Variants in TTC23L observed in about 807,000 individuals in gnomAD.
TTC23L encodes the protein tetratricopeptide repeat protein 23-like.
TTC23L carries 42 observed loss-of-function variants against 48.1 expected under a neutral mutation model. The ratio of observed to expected loss-of-function variants is 0.87; its 90% CI spans 0.68 to 1.13. The LOEUF (loss-of-function observed/expected upper bound fraction) is 1.13, where lower values mean the gene tolerates loss of function less well. Among genes scored for constraint, TTC23L ranks in the 50% most tolerant of loss-of-function variants. TTC23L has a pLI of 0.00. For missense variants in TTC23L, 391 were observed against 421.0 expected, an observed-to-expected ratio of 0.93 and a Z score of 0.62; for synonymous variants, 159 against 157.2, an observed-to-expected ratio of 1.01 and a Z score of -0.09.
exon 6 of TTC23L, chr5:34,864,559 G>A (rs1237869019): frequency 6.2e-7 from 1 of 1,612,348 alleles, no homozygotes; most frequent in Non-Finnish European, 8.5e-7. Context: ...CTTGCTTTGG[G>A]CAGGTAAGAT....
At chr5:34,913,099 G>A in the TTC23L span, among the ~76,000 whole-genome samples, 1 of 152,114 alleles carries the variant, frequency 6.6e-6, no homozygotes, top group South Asian at 2.1e-4. Flanking sequence ...AGTCAGAACT[G>A]GCTTTTGTTT....
At chr5:34,902,120 CTTGAT>C (rs1362482076), downstream of TTC23L, among the ~76,000 whole-genome samples, 6 of 152,090 alleles carry the variant, frequency 3.9e-5, no homozygotes, top group African/African-American at 1.4e-4. Flanking sequence ...AGTTGTCTAA[CTTGAT>C]TTAATACAGC....
At position 34,896,824 on chromosome 5, in the gene TTC23L, C is replaced by T. The variant is rs1357276416; in HGVS notation, c.*46C>T. On this transcript the variant is annotated 3_prime_UTR_variant, in exon 10 of 11. Coordinates refer to ENST00000505624, the Ensembl canonical transcript of TTC23L. ...GAGAAGCCATTCCTGGAAGAAGGAA[C>T]TCTACATACAAAGGCACAGAAGCAT... 6 of 746,594 alleles carry T rather than the reference C, an allele frequency of 8.0e-6. No homozygotes were observed. The South Asian group carries it at 8.6e-5, about 11-fold the overall frequency. The allele number at this position is 746,594 out of a possible 1,614,324, so 46.2% of individuals were successfully genotyped here.
intron 4 of TTC23L, among the ~76,000 whole-genome samples, chr5:34,860,607 G>T (rs150593742): frequency 6.6e-6 from 1 of 151,710 alleles, no homozygotes; most frequent in East Asian, 1.9e-4. Context: ...GCAATTTGAA[G>T]GCCACCCTTA....
chr5:34,857,104 C>T (rs557520803), intron 4 of TTC23L, among the ~76,000 whole-genome samples: 5 of 152,272 alleles, frequency 3.3e-5, no homozygotes, highest in South Asian at 2.1e-4. Context: ...AAAGTTGGTT[C>T]GCTTGTTAAA....
chr5:34,908,977 TATC>T, the TTC23L span: 1 of 1,565,680 alleles, frequency 6.4e-7, no homozygotes, highest in Non-Finnish European at 8.7e-7. Flanking sequence ...AACGCTGTTA[TATC>T]AACACAGTGA....
At chr5:34,847,043 A>G (rs1759264970) in intron 3 of TTC23L, among the ~76,000 whole-genome samples, 1 of 152,194 alleles carries the variant, frequency 6.6e-6, no homozygotes, top group African/African-American at 2.4e-5. Context: ...CACAGGCACC[A>G]GCCTGCTTCC....
intron 8 of TTC23L, among the ~76,000 whole-genome samples, chr5:34,875,684 A>G (rs1026221601): frequency 6.6e-5 from 10 of 152,164 alleles, no homozygotes; most frequent in Admixed American, 2.0e-4. Flanking sequence ...TCCAGTCAAG[A>G]CACTCAGTAT....
the TTC23L span, chr5:34,923,118 C>A: frequency 2.5e-6 from 4 of 1,603,274 alleles, no homozygotes; most frequent in African/African-American, 5.4e-5. Flanking sequence ...AACTAACATA[C>A]ACTTTTTTAA....
intron 4 of TTC23L, among the ~76,000 whole-genome samples, chr5:34,852,503 G>C (rs1402462061): frequency 1.3e-5 from 2 of 152,102 alleles, no homozygotes; most frequent in East Asian, 3.9e-4. Flanking sequence ...GGGTTGGACT[G>C]GGTAGAGAAA....
chr5:34,918,554 C>T, the TTC23L span: 3 of 820,582 alleles, frequency 3.7e-6, no homozygotes, highest in East Asian at 9.1e-5. Context: ...TTTATATATT[C>T]TTCATTTGTT....
chr5:34,858,923 G>A (rs535583348), intron 4 of TTC23L, among the ~76,000 whole-genome samples: 8 of 152,294 alleles, frequency 5.3e-5, no homozygotes, highest in South Asian at 2.1e-4. Context: ...GGGCCTAGTC[G>A]TGTGAAAGCA....
intron 9 of TTC23L, among the ~76,000 whole-genome samples, chr5:34,896,174 C>T (rs1375403001): frequency 6.6e-6 from 1 of 152,208 alleles, no homozygotes; most frequent in Non-Finnish European, 1.5e-5. Flanking sequence ...AGTGAGCCAG[C>T]TCAGTGTACC....
chr5:34,896,982 T>C, intron 10 of TTC23L, 107 bp downstream of exon 10: 1 of 518,102 alleles, frequency 1.9e-6, no homozygotes, highest in Non-Finnish European at 3.5e-6. Flanking sequence ...GAAGAAAGGC[T>C]CTGTAGCAGA....
chr5:34,880,406 T>C, intron 9 of TTC23L, 98 bp downstream of exon 9: 1 of 1,299,372 alleles, frequency 7.7e-7, no homozygotes, highest in South Asian at 1.6e-5. Context: ...ATCAGATAGG[T>C]CCCAGATAAA....
At chr5:34,862,818 T>C in intron 4 of TTC23L, 80 bp from the exon 5 acceptor site, 1 of 1,553,446 alleles carries the variant, frequency 6.4e-7, no homozygotes, top group South Asian at 1.2e-5. Context: ...GCCCACTTTA[T>C]CCCCTCCCAG....
At chr5:34,925,634 C>G in the TTC23L span, 1 of 654,710 alleles carries the variant, frequency 1.5e-6, no homozygotes, top group Non-Finnish European at 2.4e-6. Flanking sequence ...ATCTTAAAAT[C>G]AGTGATTATC....
intron 4 of TTC23L, among the ~76,000 whole-genome samples, chr5:34,859,320 G>A (rs1339937164): frequency 1.3e-5 from 2 of 152,214 alleles, no homozygotes; most frequent in Non-Finnish European, 2.9e-5. Context: ...TAGCCATCTC[G>A]GCTTCCAGTA....
the TTC23L span, chr5:34,914,494 G>C: frequency 1.7e-6 from 1 of 591,380 alleles, no homozygotes; most frequent in Non-Finnish European, 2.9e-6. Flanking sequence ...AAAAGAATTT[G>C]TTACCGGGAG....
Sources: allele counts gnomAD v4.1 joint callset (sites outside exome capture counted in the v4.1 genomes callset), GRCh38; gene constraint gnomAD v4.1.1; transcripts MANE v1.5; gene names NCBI Gene and HGNC (gene_info 2026-07-23, HGNC 2026-07-21).